RPL22: variants seen among roughly 807,000 people sequenced by gnomAD.
RPL22 encodes large ribosomal subunit protein eL22.
Under a neutral mutation model 16.2 loss-of-function variants are expected in RPL22, and 4 were observed. The observed-to-expected ratio is 0.25, with a 90% CI of 0.12 to 0.57. RPL22 has a LOEUF of 0.57. RPL22 is among the 20% of genes least tolerant of loss of function. RPL22 has a pLI of 0.92. For missense variants in RPL22, 83 were observed against 156.1 expected (o/e 0.53, Z 2.49); for synonymous variants, 43 against 54.8 (o/e 0.78, Z 0.95).
intron 3 of RPL22, among the ~76,000 whole-genome samples, chr1:6,189,213 C>T (rs1396611700): frequency 1.3e-5 from 2 of 152,242 alleles, no homozygotes; most frequent in African/African-American, 4.8e-5. Context: ...GCAATCTCCA[C>T]ACCAACAAAG....
intron 1 of RPL22, chr1:6,198,100 G>C (rs1367134999): frequency 4.0e-6 from 1 of 248,108 alleles, no homozygotes; most frequent in African/African-American, 2.2e-5. Context: ...CCTTTTGTTT[G>C]CCCTAACATT....
Position 6,186,126 on chromosome 1 carries a change from GCA to G in RPL22, c.*544_*545del, listed in dbSNP as rs1322763825. On this transcript the variant is annotated 3_prime_UTR_variant, in exon 4 of 4. Coordinates refer to ENST00000234875, the MANE Select transcript of RPL22 (RefSeq NM_000983.4). ...CCTTTATGGCAGCAACACTGAAGGA[GCA>G]CAGTTTCTCTCTCTAGGAAGAAGAG... 1 of 232,604 alleles carries G rather than the reference GCA, an allele frequency of 4.3e-6. No homozygotes were observed. Among genetic ancestry groups the G allele is most frequent in the African/African-American group, 2.2e-5 (1 of 45,290 alleles). The allele number at this position is 232,604 out of a possible 1,614,324, so 14.4% of individuals were successfully genotyped here.
intron 3 of RPL22, among the ~76,000 whole-genome samples, chr1:6,187,631 A>C (rs1049300415): frequency 5.3e-5 from 8 of 151,830 alleles, no homozygotes; most frequent in African/African-American, 1.5e-4. Flanking sequence ...AAAAAACAAA[A>C]AAAAAAAACA....
At chr1:6,198,407 A>G (rs1667748580) in intron 1 of RPL22, 1 of 152,392 alleles carries the variant, frequency 6.6e-6, no homozygotes, top group Admixed American at 6.5e-5. Flanking sequence ...TCATCTATGC[A>G]TTAGTACTTC....
rs574761136 is a variant in RPL22 at position 6,190,188 on chromosome 1, C to T, written c.242+2742G>A. 9.6e-4 allele frequency among the ~76,000 whole-genome samples: 146 copies of T among 152,328 alleles called. 2 individuals are homozygous for T. Among genetic ancestry groups the T allele is most frequent in the Admixed American group, 8.0e-3 (123 of 15,300 alleles). On this transcript the variant is annotated intron_variant, in intron 3 of 3. Coordinates refer to ENST00000234875, the MANE Select transcript of RPL22 (RefSeq NM_000983.4). ...CTTCCCCAAGGGCTCTGCTACAGCC[C>T]AGCAGGCCGGACGCTTTGTACCCCC...
intron 3 of RPL22, among the ~76,000 whole-genome samples, chr1:6,191,148 AGG>A (rs1241488455): frequency 6.6e-6 from 1 of 151,586 alleles, no homozygotes; most frequent in African/African-American, 2.4e-5. Context: ...TTACGAGGTC[AGG>A]AGATCGAGAC....
chr1:6,196,964 C>G (rs1350585313), intron 2 of RPL22, among the ~76,000 whole-genome samples: 1 of 152,210 alleles, frequency 6.6e-6, no homozygotes. Context: ...CTCACTTATG[C>G]TTAAACACAC....
chr1:6,195,797 T>C (rs1667708557), intron 2 of RPL22, among the ~76,000 whole-genome samples: 1 of 151,492 alleles, frequency 6.6e-6, no homozygotes, highest in Non-Finnish European at 1.5e-5. Context: ...GCGCAGTGGC[T>C]CATGCCTGTA....
intron 3 of RPL22, 104 bp downstream of exon 3, chr1:6,192,826 C>T (rs552049917): frequency 7.3e-7 from 1 of 1,376,662 alleles, no homozygotes; most frequent in South Asian, 1.3e-5. Context: ...CAGAAATTAA[C>T]AGATGCAAAC....
Position 6,199,295 on chromosome 1 carries a change from T to C in RPL22, c.12+267A>G, listed in dbSNP as rs1414352858. 1.9e-5 allele frequency: 17 copies of C among 886,576 alleles called. 1 individual carries two copies. Among genetic ancestry groups the C allele is most frequent in the Non-Finnish European group, 2.4e-5 (16 of 661,560 alleles). 54.9% of individuals were successfully genotyped at this position (886,576 alleles called of 1,614,324 possible). Reference sequence around the variant, plus strand: ...CCAGTGGCCGGCCCAGACCGCAGTCTCCAGGCTCCAGCTCCCCGCTAGCCC... The same window carrying C: ...CCAGTGGCCGGCCCAGACCGCAGTCCCCAGGCTCCAGCTCCCCGCTAGCCC... On this transcript the variant is annotated intron_variant, in intron 1 of 3. Coordinates refer to ENST00000234875, the MANE Select transcript of RPL22 (RefSeq NM_000983.4).
At chr1:6,196,991 T>TG (rs1029801870) in intron 2 of RPL22, among the ~76,000 whole-genome samples, 8 of 152,198 alleles carry the variant, frequency 5.3e-5, no homozygotes, top group African/African-American at 1.9e-4. Flanking sequence ...GCAAGGGGGA[T>TG]GCCATGGACC....
At chr1:6,193,676 C>T (rs1333799300) in intron 2 of RPL22, among the ~76,000 whole-genome samples, 2 of 150,974 alleles carry the variant, frequency 1.3e-5, no homozygotes, top group South Asian at 2.2e-4. Flanking sequence ...GTCTCAAATT[C>T]CTGGGCTCAA....
intron 3 of RPL22, among the ~76,000 whole-genome samples, chr1:6,187,860 T>C (rs1197842074): frequency 1.3e-5 from 2 of 151,996 alleles, no homozygotes; most frequent in African/African-American, 4.8e-5. Flanking sequence ...CCTTTTGAGG[T>C]TGTCTGGATG....
At position 6,185,273 on chromosome 1, in the gene RPL22, A is replaced by G. The variant is rs141584315; in HGVS notation, c.*1399T>C. On this transcript the variant is annotated 3_prime_UTR_variant, in exon 4 of 4. Transcript: ENST00000234875. Reference sequence around the variant, plus strand: ...GTAGAATTTGTAAACTCAAGCCACAAACTTAGTTAATAATCATGGTTAAGG... The same window carrying G: ...GTAGAATTTGTAAACTCAAGCCACAGACTTAGTTAATAATCATGGTTAAGG... The G allele has an allele frequency of 1.3e-5, 5 of 398,914 alleles. No homozygotes were observed. The highest frequency in any genetic ancestry group is 2.2e-5 in the Non-Finnish European group (5 of 226,062). The allele number at this position is 398,914 out of a possible 1,614,324, so 24.7% of individuals were successfully genotyped here. A position where few individuals can be genotyped will look rare whatever the true frequency, so the allele number is the denominator to read the frequency against.
At chr1:6,196,596 CA>C (rs1198141611) in intron 2 of RPL22, among the ~76,000 whole-genome samples, 1 of 152,244 alleles carries the variant, frequency 6.6e-6, no homozygotes, top group Admixed American at 6.5e-5. Flanking sequence ...CTTCTACACA[CA>C]AATACGAAGT....
At chr1:6,187,438 C>T (rs1667595858) in intron 3 of RPL22, among the ~76,000 whole-genome samples, 1 of 151,912 alleles carries the variant, frequency 6.6e-6, no homozygotes, top group Non-Finnish European at 1.5e-5. Flanking sequence ...CACGATGCAA[C>T]CCTATCTCTA....
chr1:6,198,892 A>G (rs1667755239), intron 1 of RPL22: 1 of 152,276 alleles, frequency 6.6e-6, no homozygotes, highest in African/African-American at 2.4e-5. Flanking sequence ...AGTCCCAACA[A>G]AAGAGGAAAA....
chr1:6,188,532 ATTTT>A (rs903260950), intron 3 of RPL22, among the ~76,000 whole-genome samples: 2 of 142,674 alleles, frequency 1.4e-5, no homozygotes, highest in African/African-American at 5.2e-5. Context: ...TCTACACAAC[ATTTT>A]TTTTTTTAAT....
At chr1:6,193,151 TGTTTTG>T in intron 2 of RPL22, 97 bp from the exon 3 acceptor site, 1 of 1,482,734 alleles carries the variant, frequency 6.7e-7, no homozygotes, top group Non-Finnish European at 9.2e-7. Context: ...TATCATTTTT[TGTTTTG>T]GTTTTGGAGA....
Sources: allele counts gnomAD v4.1 joint callset (sites outside exome capture counted in the v4.1 genomes callset), GRCh38; gene constraint gnomAD v4.1.1; transcripts MANE v1.5; gene names NCBI Gene and HGNC (gene_info 2026-07-23, HGNC 2026-07-21).